SAFB: variants seen among roughly 807,000 people sequenced by gnomAD.
SAFB encodes the protein scaffold attachment factor B, also known as scaffold attachment factor B1.
SAFB carries 15 observed loss-of-function variants against 101.6 expected under a neutral mutation model. That is an observed-to-expected ratio of 0.15 (90% CI 0.10 to 0.23). The LOEUF is 0.23. SAFB is among the 10% of genes least tolerant of loss of function. The pLI, the probability that SAFB is intolerant of heterozygous loss-of-function variation, is 1.00. For missense variants in SAFB, 930 were observed against 1,104.1 expected, an observed-to-expected ratio of 0.84 and a Z score of 2.23; for synonymous variants, 449 against 407.5, an observed-to-expected ratio of 1.10 and a Z score of -1.23.
chr19:5,651,126 C>G, intron 9 of SAFB, 54 bp downstream of exon 9: 1 of 1,151,292 alleles, frequency 8.7e-7, no homozygotes, highest in South Asian at 1.4e-5. Context: ...GTTGTGTGGC[C>G]TTTACATGGA....
At position 5,628,206 on chromosome 19, in the gene SAFB, G is replaced by A. The variant is rs573659147; in HGVS notation, c.274+1717G>A. On this transcript the variant is annotated intron_variant, in intron 2 of 20. Coordinates refer to ENST00000588852, the MANE Select transcript of SAFB (RefSeq NM_001201338.2). The stretch of plus-strand genomic sequence containing the variant: ...GTGGAGGTTGCACTGAGCCCAGATC[G>A]CACCACTGCACTCCAGCCTGGGCGA... 4.3e-4 allele frequency among the ~76,000 whole-genome samples: 65 copies of A among 152,122 alleles called. 1 individual carries two copies. In the South Asian group the frequency reaches 0.013, roughly 30 times the overall value.
intron 15 of SAFB, among the ~76,000 whole-genome samples, 165 bp from the exon 16 acceptor site, chr19:5,663,857 C>T (rs1311938275): frequency 6.6e-6 from 1 of 152,200 alleles, no homozygotes. Context: ...AACAAAACAA[C>T]TGTGCAGTCA....
rs553550261 is a variant in SAFB, at chr19:5,637,031, AACAACACTTAGCCTT to A, written c.275-4561_275-4547del. 2.4e-4 allele frequency among the ~76,000 whole-genome samples: 36 copies of A among 151,488 alleles called. No homozygotes were observed. The East Asian group carries it at 6.7e-3, about 28-fold the overall frequency. On this transcript the variant is annotated intron_variant, in intron 2 of 20. Transcript: ENST00000588852. ...ACCTTGTTTCCTTAATACTGCTTGA[AACAACACTTAGCCTT>A]AAAACAATTGATTTTCGGCCGGGCG...
At chr19:5,664,733 C>G (rs2054290960) in intron 17 of SAFB, 1 of 375,316 alleles carries the variant, frequency 2.7e-6, no homozygotes, top group Admixed American at 4.0e-5. Context: ...GGGATGTGAC[C>G]TGGCTCTGCT....
chr19:5,659,976 C>CTCCGGAAGGTGCTGAGA (rs1482215868), intron 14 of SAFB, among the ~76,000 whole-genome samples: 2 of 152,210 alleles, frequency 1.3e-5, no homozygotes, highest in Non-Finnish European at 2.9e-5. Context: ...CTAGGGGCTC[C>CTCCGGAAGGTGCTGAGA]TCCGGAAGGT....
intron 12 of SAFB, 48 bp from the exon 13 acceptor site, chr19:5,654,320 C>G: frequency 6.3e-7 from 1 of 1,588,696 alleles, no homozygotes; most frequent in Non-Finnish European, 8.6e-7. Flanking sequence ...TTTTTCTCAT[C>G]TGGGTATTCT....
At chr19:5,650,920 C>CT in intron 8 of SAFB, 58 bp from the exon 9 acceptor site, 5 of 1,120,816 alleles carry the variant, frequency 4.5e-6, no homozygotes, top group South Asian at 1.4e-5. Flanking sequence ...AAGGTTGTCT[C>CT]TAAGACTCAA....
At position 5,667,148 on chromosome 19, in the gene SAFB, C is replaced by T. The variant is rs751851044; in HGVS notation, c.2437C>T (p.Leu813=). 1 of 1,596,104 alleles carries T rather than the reference C, an allele frequency of 6.3e-7. No homozygotes were observed. The highest frequency in any genetic ancestry group is 8.6e-7 in the Non-Finnish European group (1 of 1,165,622). Residue 813 remains leucine, a synonymous_variant, in exon 18 of 21, where the codon CTG becomes TTG. Coordinates refer to ENST00000588852, the MANE Select transcript of SAFB (RefSeq NM_001201338.2). This position sits in a 1 kb window ranked among gnomAD's most constrained non-coding sequence, Gnocchi z 4.0. ...CAAGAGGATGAGCGAGGGCCGGGGG[C>T]TGCCTCCTCCCCCCAGGTTTGTGTC... ...SDKRMSEGRG[L]PPPPRGRRDW...
intron 20 of SAFB, 97 bp from the exon 21 acceptor site, chr19:5,668,065 C>T (rs909628459): frequency 1.2e-4 from 180 of 1,516,880 alleles, no homozygotes; most frequent in Non-Finnish European, 1.5e-4. Context: ...TAGGAAGGGG[C>T]CCTGCCTGCA....
At chr19:5,627,767 C>T (rs1206803817) in intron 2 of SAFB, among the ~76,000 whole-genome samples, 1 of 152,132 alleles carries the variant, frequency 6.6e-6, no homozygotes, top group Non-Finnish European at 1.5e-5. Context: ...CTGATCCATC[C>T]CACCAATAGC....
chr19:5,650,046 G>T, intron 8 of SAFB, 71 bp downstream of exon 8: 1 of 1,189,440 alleles, frequency 8.4e-7, no homozygotes, highest in South Asian at 1.2e-5. Flanking sequence ...TTTGATTCTG[G>T]TTCATCGCGT....
At chr19:5,627,979 C>G (rs1235654755) in intron 2 of SAFB, among the ~76,000 whole-genome samples, 1 of 152,126 alleles carries the variant, frequency 6.6e-6, no homozygotes, top group Non-Finnish European at 1.5e-5. Context: ...GGCAGGGCGC[C>G]GTGGCTCACA....
chr19:5,633,847 A>G (rs747804401), intron 2 of SAFB, among the ~76,000 whole-genome samples: 7 of 151,882 alleles, frequency 4.6e-5, no homozygotes, highest in Non-Finnish European at 8.8e-5. Context: ...TAGGATGTCA[A>G]CTCCTGGGCC....
At chr19:5,630,121 A>G (rs1213777629) in intron 2 of SAFB, among the ~76,000 whole-genome samples, 2 of 152,220 alleles carry the variant, frequency 1.3e-5, no homozygotes, top group African/African-American at 2.4e-5. Flanking sequence ...ACTAAACTCA[A>G]CATCAAACTT....
chr19:5,629,159 A>G (rs1047410973), intron 2 of SAFB, among the ~76,000 whole-genome samples: 8 of 152,234 alleles, frequency 5.3e-5, no homozygotes, highest in African/African-American at 1.9e-4. Flanking sequence ...ACAGCCCACT[A>G]CTAAAAGTTA....
chr19:5,623,093 C>T lies in SAFB; in HGVS notation c.-113C>T, dbSNP rs2053219443. On this transcript the variant is annotated 5_prime_UTR_variant, in exon 1 of 21. Coordinates refer to ENST00000588852, the MANE Select transcript of SAFB (RefSeq NM_001201338.2). ...TTGGTGCGCCTGCGCAGAAGCGAGG[C>T]GCGCTGGGGCGACTGGAGCGGTTCC... The T allele has an allele frequency of 3.6e-6, 4 of 1,123,948 alleles. No individual in the cohort carries two copies. The South Asian group carries it at 5.7e-5, about 16-fold the overall frequency. The allele number at this position is 1,123,948 out of a possible 1,614,324, so 69.6% of individuals were successfully genotyped here.
At position 5,661,694 on chromosome 19, in the gene SAFB, G is replaced by A; in HGVS notation, c.2039G>A (p.Arg680His). 1.2e-6 allele frequency: 2 copies of A among 1,605,346 alleles called. No individual in the cohort carries two copies. The highest frequency in any genetic ancestry group is 1.7e-6 in the Non-Finnish European group (2 of 1,177,412). The change falls in exon 15 of 21, where the codon CGC becomes CAC. Residue 680 changes from arginine to histidine, a missense_variant. Transcript: ENST00000588852. The part of the protein sequence containing the change: ...ERERMHVEHE[R>H]RREQERIHRE... Reference sequence around the variant, plus strand: ...GAACGCATGCACGTGGAGCACGAGCGCAGGCGCGAGCAGGAGCGCATCCAC... The same window carrying A: ...GAACGCATGCACGTGGAGCACGAGCACAGGCGCGAGCAGGAGCGCATCCAC...
Position 5,641,575 on chromosome 19 carries a change from T to C in SAFB, c.275-19T>C, listed in dbSNP as rs1428464950. On this transcript the variant is annotated intron_variant, in intron 2 of 20. Coordinates refer to ENST00000588852, the MANE Select transcript of SAFB (RefSeq NM_001201338.2). ...GTGCGTATCATTTGATCTCATGCTGTAAATGATTCTGTCTTCAGGGCGCAA... is the reference window on the plus strand; with the variant it reads ...GTGCGTATCATTTGATCTCATGCTGCAAATGATTCTGTCTTCAGGGCGCAA... 6.2e-7 allele frequency: 1 copy of C among 1,608,960 alleles called. No individual in the cohort carries two copies.
chr19:5,657,079 AT>A lies in SAFB; in HGVS notation c.1756-157del, dbSNP rs1393563953. On this transcript the variant is annotated intron_variant, in intron 13 of 20. Transcript: ENST00000588852. ...AGCCACTGCGCCCGGCAATTTTTAT[AT>A]TTTTAGTAGAGTCAAGGTTTCACCA... Among the ~76,000 whole-genome samples the A allele has an allele frequency of 7.2e-5, 11 of 152,012 alleles. No homozygotes were observed. In the South Asian group the frequency reaches 2.1e-3, roughly 29 times the overall value.
Sources: allele counts gnomAD v4.1 joint callset (sites outside exome capture counted in the v4.1 genomes callset), GRCh38; gene constraint gnomAD v4.1.1; non-coding constraint Gnocchi (gnomAD v3.1); transcripts MANE v1.5; gene names NCBI Gene and HGNC (gene_info 2026-07-23, HGNC 2026-07-21).